The following DAPK1 variants were observed in gnomAD, a reference collection of about 807,000 sequenced individuals.
DAPK1 encodes death associated protein kinase 1, also known as death-associated protein kinase 1.
DAPK1 carries 56 observed loss-of-function variants against 144.9 expected under a neutral mutation model. The ratio of observed to expected loss-of-function variants is 0.39; its 90% confidence interval spans 0.31 to 0.48. The LOEUF (loss-of-function observed/expected upper bound fraction) is 0.48, where lower values mean the gene tolerates loss of function less well. DAPK1 is among the 20% of genes least tolerant of loss of function. DAPK1 has a pLI of 0.95. For synonymous variants in DAPK1, 690 were observed against 749.0 expected (o/e 0.92, Z 1.29); for missense variants, 1,454 against 1,875.4 (o/e 0.78, Z 4.15).
chr9:87,667,281 C>G (rs1831092489), intron 18 of DAPK1, among the ~76,000 whole-genome samples: 1 of 152,178 alleles, frequency 6.6e-6, no homozygotes, highest in South Asian at 2.1e-4. Context: ...GAGAGACGGG[C>G]AGTTCTGACT....
chr9:87,687,524 C>T (rs1824905996), intron 21 of DAPK1, among the ~76,000 whole-genome samples: 1 of 152,112 alleles, frequency 6.6e-6, no homozygotes, highest in Admixed American at 6.5e-5. Context: ...ACCACGTTTT[C>T]TTTATTCATT....
chr9:87,686,727 G>A lies in DAPK1; in HGVS notation c.2401G>A (p.Ala801Thr), dbSNP rs754559511. ...QSTKAIDIQN[A>T]YLNGVGDFSV... is the part of the protein sequence containing the mutation. ...CACCAAGGCCATCGACATCCAGAACGCTTATTTGAATGGTATGCCCTGCCT... is the reference window on the plus strand; with the variant it reads ...CACCAAGGCCATCGACATCCAGAACACTTATTTGAATGGTATGCCCTGCCT... Residue 801 changes from alanine (A) to threonine (T), a missense_variant, in exon 21 of 26, where the codon GCT (alanine) becomes ACT (threonine). Physicochemically the swap from Ala to Thr is moderately conservative, Grantham distance 58. Transcript: ENST00000408954. The surrounding 1 kb of genome is among the most constrained non-coding windows in gnomAD (Gnocchi z 4.2). 8.7e-5 allele frequency: 141 copies of A among 1,611,432 alleles called. No homozygotes were observed. The highest frequency in any genetic ancestry group is 1.3e-4 in the South Asian group (12 of 90,872).
intron 22 of DAPK1, chr9:87,698,404 T>G (rs890301450): frequency 9.6e-5 from 38 of 396,562 alleles, no homozygotes; most frequent in African/African-American, 6.7e-4. Flanking sequence ...GAAACTGCCT[T>G]TAGTCATTCT....
intron 17 of DAPK1, 38 bp from the exon 18 acceptor site, chr9:87,657,991 G>A: frequency 2.5e-6 from 2 of 800,598 alleles, no homozygotes; most frequent in African/African-American, 1.7e-5. Context: ...GCAACTGCGT[G>A]AGAAGAACGA....
At chr9:87,640,565 AG>A in intron 8 of DAPK1, 115 bp downstream of exon 8, 1 of 1,245,272 alleles carries the variant, frequency 8.0e-7, no homozygotes, top group Non-Finnish European at 1.1e-6. Context: ...CATCTGCCAA[AG>A]GGCAGCATGC....
intron 3 of DAPK1, among the ~76,000 whole-genome samples, chr9:87,613,318 C>T (rs1408354421): frequency 1.3e-5 from 2 of 152,184 alleles, no homozygotes; most frequent in Admixed American, 6.5e-5. Context: ...AGAACCTTTT[C>T]GTCTTGCAAA....
At chr9:87,546,126 G>A (rs565712109) in intron 2 of DAPK1, among the ~76,000 whole-genome samples, 2 of 152,260 alleles carry the variant, frequency 1.3e-5, no homozygotes, top group South Asian at 4.1e-4. Context: ...TTGGGTGGTG[G>A]TGGAGCAAAA....
intron 11 of DAPK1, among the ~76,000 whole-genome samples, chr9:87,644,310 A>G (rs1248027422): frequency 1.3e-5 from 2 of 152,164 alleles, no homozygotes; most frequent in Non-Finnish European, 2.9e-5. Context: ...ACAATCAAAC[A>G]ACGGGGCTTT....
chr9:87,629,861 C>T (rs1829609503), intron 3 of DAPK1, among the ~76,000 whole-genome samples: 3 of 152,162 alleles, frequency 2.0e-5, no homozygotes, highest in Admixed American at 2.0e-4. Flanking sequence ...TCTGGATAGG[C>T]CCTTTTGATG....
At chr9:87,619,969 A>G (rs1020604527) in intron 3 of DAPK1, among the ~76,000 whole-genome samples, 1 of 152,184 alleles carries the variant, frequency 6.6e-6, no homozygotes, top group African/African-American at 2.4e-5. Flanking sequence ...AGCATCCTCC[A>G]TGGCACTCAC....
At chr9:87,667,264 G>A (rs3128477) in intron 18 of DAPK1, among the ~76,000 whole-genome samples, 70,885 of 151,974 alleles carry the variant, frequency 0.47, 18,248 homozygotes, top group African/African-American at 0.68. Context: ...AGGAATTTAA[G>A]GGAACAGAGA....
At position 87,702,167 on chromosome 9, in the gene DAPK1, AT is replaced by A. The variant is rs1825478209; in HGVS notation, c.2872-858del. Among the ~76,000 whole-genome samples, 4 of 152,186 alleles carry A rather than the reference AT, an allele frequency of 2.6e-5. No individual in the cohort carries two copies. The South Asian group carries it at 6.2e-4, about 24-fold the overall frequency. The stretch of plus-strand genomic sequence containing the variant: ...ACATCAACTGCACTCACCCCTGAGA[AT>A]TTTGTTTTTGAATGCAGAGTGGAAT... On this transcript the variant is annotated intron_variant, in intron 24 of 25. Transcript: ENST00000408954.
chr9:87,638,507 T>C (rs1011855078), intron 4 of DAPK1, among the ~76,000 whole-genome samples: 3 of 152,188 alleles, frequency 2.0e-5, no homozygotes, highest in African/African-American at 7.2e-5. Context: ...GATTGGCTAA[T>C]TGGGGCATTT....
chr9:87,573,067 T>C (rs1827418341), intron 2 of DAPK1, among the ~76,000 whole-genome samples: 1 of 152,208 alleles, frequency 6.6e-6, no homozygotes, highest in African/African-American at 2.4e-5. Flanking sequence ...GTATCTGTGA[T>C]CTCTGCAAGG....
intron 22 of DAPK1, chr9:87,698,414 T>C: frequency 2.4e-6 from 1 of 424,324 alleles, no homozygotes; most frequent in South Asian, 4.9e-5. Flanking sequence ...TTAGTCATTC[T>C]GGTCCACTTT....
chr9:87,685,404 G>A (rs955061185), intron 20 of DAPK1, among the ~76,000 whole-genome samples: 1 of 152,144 alleles, frequency 6.6e-6, no homozygotes, highest in African/African-American at 2.4e-5. Context: ...CAGATACCCA[G>A]GTGAAATGGT....
chr9:87,510,109 A>T (rs1824775903), intron 2 of DAPK1, among the ~76,000 whole-genome samples: 1 of 152,166 alleles, frequency 6.6e-6, no homozygotes, highest in African/African-American at 2.4e-5. Flanking sequence ...GTGAATTAGC[A>T]CAAGTGGAAT....
intron 2 of DAPK1, among the ~76,000 whole-genome samples, chr9:87,511,340 T>C (rs1363143642): frequency 2.0e-5 from 3 of 152,220 alleles, no homozygotes; most frequent in African/African-American, 7.2e-5. Flanking sequence ...ACTAGGAATT[T>C]AGCTGTGCAT....
intron 2 of DAPK1, among the ~76,000 whole-genome samples, chr9:87,591,830 A>G (rs564231820): frequency 6.6e-6 from 1 of 152,310 alleles, no homozygotes; most frequent in African/African-American, 2.4e-5. Flanking sequence ...TTCTGCTCAG[A>G]GCTTACCTCC....
Sources: allele counts gnomAD v4.1 joint callset (sites outside exome capture counted in the v4.1 genomes callset), GRCh38; gene constraint gnomAD v4.1.1; non-coding constraint Gnocchi (gnomAD v3.1); transcripts MANE v1.5; gene names NCBI Gene and HGNC (gene_info 2026-07-23, HGNC 2026-07-21).